Variants in FAM107A observed in about 807,000 individuals in gnomAD.
FAM107A encodes the protein family with sequence similarity 107 member A.
A neutral mutation model predicts 13.7 loss-of-function variants in FAM107A; 19 were observed. That is an observed-to-expected ratio of 1.38 (90% confidence interval 0.97 to 2.03). The LOEUF is 2.03. FAM107A is among the 30% of genes most tolerant of loss of function. The pLI, the probability that FAM107A is intolerant of heterozygous loss-of-function variation, is 0.00. For synonymous variants in FAM107A, 82 were observed against 74.5 expected, an observed-to-expected ratio of 1.10 and a Z score of -0.52; for missense variants, 203 against 184.4, an observed-to-expected ratio of 1.10 and a Z score of -0.58.
chr3:58,605,424 T>C (rs9860663), intron 1 of FAM107A, among the ~76,000 whole-genome samples: 17,544 of 152,154 alleles, frequency 0.12, 1,774 homozygotes, highest in African/African-American at 0.27. Context: ...TGCAGATTCC[T>C]TTTGCTTTAG....
chr3:58,597,064 G>A (rs1023950630), intron 1 of FAM107A, among the ~76,000 whole-genome samples: 9 of 152,140 alleles, frequency 5.9e-5, no homozygotes, highest in Admixed American at 2.6e-4. Flanking sequence ...ATTCCATTTG[G>A]TGGCTATGTC....
At chr3:58,625,165 A>T (rs1000416472) in intron 1 of FAM107A, among the ~76,000 whole-genome samples, 2 of 151,856 alleles carry the variant, frequency 1.3e-5, no homozygotes, top group Non-Finnish European at 2.9e-5. Context: ...GACTGAACGG[A>T]CCCCCTCTTG....
At chr3:58,614,898 C>T (rs1004981564) in intron 1 of FAM107A, among the ~76,000 whole-genome samples, 5 of 151,496 alleles carry the variant, frequency 3.3e-5, no homozygotes, top group South Asian at 4.2e-4. Flanking sequence ...CTCCGCCTCC[C>T]GGGTTCAAGT....
At position 58,586,842 on chromosome 3, in the gene FAM107A, C is replaced by T. The variant is rs1268497803; in HGVS notation, c.79+16G>A. On this transcript the variant is annotated intron_variant, in intron 1 of 3. Coordinates refer to the FAM107A transcript ENST00000447756. ...CGCCCACTTCCCGCGGCGAGGGTGG[C>T]GTTGCTCCCACTTACCCGACCGGAG... 4.6e-6 allele frequency: 7 copies of T among 1,522,714 alleles called. No homozygotes were observed. In the African/African-American group the frequency reaches 5.6e-5, roughly 12 times the overall value. The allele number at this position is 1,522,714 out of a possible 1,614,324, so 94.3% of individuals were successfully genotyped here.
intron 1 of FAM107A, among the ~76,000 whole-genome samples, chr3:58,616,270 G>C (rs1330443578): frequency 6.6e-6 from 1 of 152,056 alleles, no homozygotes; most frequent in Non-Finnish European, 1.5e-5. Context: ...GCAGAGGATG[G>C]ATGGGTCTCA....
At chr3:58,591,647 G>C (rs1435383524), upstream of FAM107A, among the ~76,000 whole-genome samples, 1 of 152,178 alleles carries the variant, frequency 6.6e-6, no homozygotes, top group East Asian at 1.9e-4. The surrounding 1 kb of genome is among the most constrained non-coding windows in gnomAD (Gnocchi z 4.3). Flanking sequence ...TCATCCTTTA[G>C]GTCTTGGCAG....
chr3:58,609,551 A>ACAGTCAACAAATATTAGT (rs2065833320), intron 1 of FAM107A, among the ~76,000 whole-genome samples: 1 of 152,224 alleles, frequency 6.6e-6, no homozygotes, highest in Admixed American at 6.5e-5. Context: ...ACCATCACTT[A>ACAGTCAACAAATATTAGT]CAGTCAACAA....
chr3:58,586,836 G>A (rs947686980), intron 1 of FAM107A: 2 of 1,521,822 alleles, frequency 1.3e-6, no homozygotes, highest in African/African-American at 1.4e-5. Context: ...CCCGCGGCGA[G>A]GGTGGCGTTG....
chr3:58,588,465 C>T (rs1258805433), upstream of FAM107A, among the ~76,000 whole-genome samples: 6 of 152,224 alleles, frequency 3.9e-5, no homozygotes, highest in Non-Finnish European at 8.8e-5. Context: ...GTCCTGAAAG[C>T]CCATCTGCCA....
intron 1 of FAM107A, among the ~76,000 whole-genome samples, chr3:58,614,786 T>A (rs1367269717): frequency 6.6e-6 from 1 of 151,840 alleles, no homozygotes; most frequent in Non-Finnish European, 1.5e-5. Flanking sequence ...ATTACAGGTG[T>A]GAGCCACCGC....
At chr3:58,596,832 C>A (rs1469454978) in intron 1 of FAM107A, among the ~76,000 whole-genome samples, 5 of 152,250 alleles carry the variant, frequency 3.3e-5, no homozygotes, top group South Asian at 4.1e-4. Flanking sequence ...AAATATATAT[C>A]AAGACTGACT....
At chr3:58,579,728 G>A (rs1451488243), upstream of FAM107A, among the ~76,000 whole-genome samples, 1 of 152,144 alleles carries the variant, frequency 6.6e-6, no homozygotes, top group Non-Finnish European at 1.5e-5. Flanking sequence ...CTCATCCCCG[G>A]AGAAGACAGA....
intron 1 of FAM107A, among the ~76,000 whole-genome samples, chr3:58,605,225 C>T (rs2108073593): frequency 6.6e-6 from 1 of 152,236 alleles, no homozygotes; most frequent in South Asian, 2.1e-4. Context: ...TCTCCCAGCC[C>T]CAGCTGACTC....
In FAM107A at chr3:58,574,032, G is replaced by T. The variant is rs544849760; in HGVS notation, c.-6+3277C>A. ...CCTCGTACAGAGTTGAGCGCTTGGG[G>T]CTGGCTACCAGGGCTGCCACATACA... On this transcript the variant is annotated intron_variant, in intron 1 of 3. Coordinates refer to ENST00000360997, the MANE Select transcript of FAM107A (RefSeq NM_001076778.3). Among the ~76,000 whole-genome samples the T allele has an allele frequency of 2.6e-5, 4 of 152,330 alleles. No individual in the cohort carries two copies. The South Asian group carries it at 8.3e-4, about 32-fold the overall frequency.
chr3:58,593,000 T>A (rs1226739868), intron 1 of FAM107A, among the ~76,000 whole-genome samples: 1 of 152,112 alleles, frequency 6.6e-6, no homozygotes, highest in Non-Finnish European at 1.5e-5. Context: ...AGCTGGACAA[T>A]CAGTTCTTAA....
At chr3:58,590,579 C>T (rs1427286631), upstream of FAM107A, among the ~76,000 whole-genome samples, 3 of 152,142 alleles carry the variant, frequency 2.0e-5, no homozygotes, top group Non-Finnish European at 4.4e-5. Flanking sequence ...GCTCCAGGAA[C>T]TTATAATTAT....
At chr3:58,600,162 G>A (rs748305133) in intron 1 of FAM107A, among the ~76,000 whole-genome samples, 1 of 152,094 alleles carries the variant, frequency 6.6e-6, no homozygotes, top group Admixed American at 6.6e-5. Context: ...TGCCTGACAG[G>A]GGAAACCCTT....
chr3:58,593,361 C>A (rs1162624011), intron 1 of FAM107A, among the ~76,000 whole-genome samples: 1 of 152,198 alleles, frequency 6.6e-6, no homozygotes, highest in Non-Finnish European at 1.5e-5. Context: ...AACTTGTCAT[C>A]CCTACTATCT....
upstream of FAM107A, among the ~76,000 whole-genome samples, chr3:58,588,082 G>A (rs541212014): frequency 6.6e-6 from 1 of 152,270 alleles, no homozygotes; most frequent in Admixed American, 6.5e-5. Context: ...CCTGAAGGGT[G>A]GGTATTCCCT....
Sources: gnomAD v4.1 joint callset for allele counts (sites outside exome capture counted in the v4.1 genomes callset) on GRCh38, gnomAD v4.1.1 for gene constraint, Gnocchi (gnomAD v3.1) non-coding constraint, MANE v1.5 for transcripts, NCBI Gene and HGNC (gene_info 2026-07-23, HGNC 2026-07-21) for gene names.